The following BLOC1S3 variants were observed in gnomAD, a reference collection of about 807,000 sequenced individuals.
BLOC1S3 encodes biogenesis of lysosome-related organelles complex 1 subunit 3.
In BLOC1S3, 7 loss-of-function variants were observed where a neutral mutation model predicts 9.1. That is an observed-to-expected ratio of 0.77 (90% CI 0.44 to 1.45). The LOEUF is 1.45. Among genes scored for constraint, BLOC1S3 ranks in the 40% most tolerant of loss-of-function variants. BLOC1S3 has a pLI of 0.01. For missense variants in BLOC1S3, 307 were observed against 315.2 expected (o/e 0.97, Z 0.20); for synonymous variants, 145 against 158.4 (o/e 0.92, Z 0.64).
chr19:45,202,065 C>A (rs2627645), intron 2 of BLOC1S3, among the ~76,000 whole-genome samples: 145,177 of 151,800 alleles, frequency 0.96, 69,588 homozygotes, highest in African/African-American at 0.99. Context: ...CTACTAAAAA[C>A]TACAAAAAAT....
At chr19:45,208,537 A>G (rs901958360) in intron 3 of BLOC1S3, among the ~76,000 whole-genome samples, 3 of 151,302 alleles carry the variant, frequency 2.0e-5, no homozygotes, top group African/African-American at 7.3e-5. Context: ...AGATCACCTG[A>G]TGAGGTCAGG....
At chr19:45,203,733 T>C (rs1229975146) in intron 3 of BLOC1S3, among the ~76,000 whole-genome samples, 2 of 152,160 alleles carry the variant, frequency 1.3e-5, no homozygotes, top group African/African-American at 4.8e-5. Flanking sequence ...TGCTTTCCAC[T>C]GTAATAGAAC....
rs571728185 is a variant in BLOC1S3 at position 45,201,616 on chromosome 19, G to T, written n.181-790G>T. 5.3e-5 allele frequency among the ~76,000 whole-genome samples: 8 copies of T among 152,236 alleles called. No individual in the cohort carries two copies. The South Asian group carries it at 1.7e-3, about 32-fold the overall frequency. ...CCAGAAATGCCATCTGGGAGCCAGGGCCTGGAGACAGAAACCTTAGGAATC... is the reference window on the plus strand; with the variant it reads ...CCAGAAATGCCATCTGGGAGCCAGGTCCTGGAGACAGAAACCTTAGGAATC... On this transcript the variant is annotated intron_variant and non_coding_transcript_variant, in intron 2 of 3. Transcript: ENST00000591569.
chr19:45,208,129 CA>C (rs1969741418), intron 3 of BLOC1S3, among the ~76,000 whole-genome samples: 1 of 151,862 alleles, frequency 6.6e-6, no homozygotes, highest in Non-Finnish European at 1.5e-5. Flanking sequence ...CACCTGCCAC[CA>C]CGCCCAGCTA....
At chr19:45,197,951 A>G (rs1969661840) in intron 2 of BLOC1S3, among the ~76,000 whole-genome samples, 1 of 152,046 alleles carries the variant, frequency 6.6e-6, no homozygotes, top group Non-Finnish European at 1.5e-5. Context: ...AAATCTGGGA[A>G]GTCAGGCATA....
chr19:45,209,409 CTTTAT>C (rs1568477051), intron 3 of BLOC1S3, among the ~76,000 whole-genome samples: 1 of 151,794 alleles, frequency 6.6e-6, no homozygotes, highest in African/African-American at 2.4e-5. Flanking sequence ...AGTTCTATTT[CTTTAT>C]TTTATTGTTA....
intron 3 of BLOC1S3, among the ~76,000 whole-genome samples, chr19:45,207,555 C>CA (rs58164218): frequency 0.11 from 7,081 of 64,396 alleles, 1,391 homozygotes; most frequent in Non-Finnish European, 0.18. Flanking sequence ...GACTCTGTCT[C>CA]AAAAAAAAAA....
intron 3 of BLOC1S3, chr19:45,216,030 T>TCGGC (rs770905667): frequency 6.2e-7 from 1 of 1,607,064 alleles, no homozygotes; most frequent in Non-Finnish European, 8.5e-7. Context: ...CCAGGAGACC[T>TCGGC]CGGCCAGGCA....
rs60943621 is a variant in BLOC1S3 at position 45,190,772 on chromosome 19, C to CTTTTATTTTATTTTATTTTATTTTA, written n.180+3057_180+3081dup. ...GTCTCTCTATGATTGGTCACTGATG[C>CTTTTATTTTATTTTATTTTATTTTA]TTTTATTTTATTTTATTTTATTTTA... On this transcript the variant is annotated intron_variant and non_coding_transcript_variant, in intron 2 of 3. Coordinates refer to the BLOC1S3 transcript ENST00000591569. 4.5e-3 allele frequency among the ~76,000 whole-genome samples: 424 copies of CTTTTATTTTATTTTATTTTATTTTA among 95,182 alleles called. 31 individuals are homozygous for CTTTTATTTTATTTTATTTTATTTTA. Among genetic ancestry groups the CTTTTATTTTATTTTATTTTATTTTA allele is most frequent in the African/African-American group, 0.011 (333 of 29,696 alleles). 62.4% of individuals were successfully genotyped at this position (95,182 alleles called of 152,430 possible).
downstream of BLOC1S3, among the ~76,000 whole-genome samples, chr19:45,185,974 G>A (rs563310665): frequency 1.1e-4 from 16 of 152,196 alleles, no homozygotes; most frequent in East Asian, 1.9e-4. Context: ...CATTCTGGGC[G>A]TGGTGGTGTG....
chr19:45,195,079 G>A (rs955632762), intron 2 of BLOC1S3, among the ~76,000 whole-genome samples: 3 of 151,930 alleles, frequency 2.0e-5, no homozygotes, highest in Non-Finnish European at 2.9e-5. Flanking sequence ...ACAGGCATGC[G>A]CCAGCACGTA....
At chr19:45,186,978 G>A (rs764478907), upstream of BLOC1S3, among the ~76,000 whole-genome samples, 29 of 152,204 alleles carry the variant, frequency 1.9e-4, no homozygotes, top group Non-Finnish European at 2.9e-4. Context: ...CAGGCAGTCA[G>A]CAGGCAGTCA....
At position 45,203,167 on chromosome 19, in the gene BLOC1S3, G is replaced by C. The variant is rs182181836; in HGVS notation, n.282+660G>C. ...TGGCTGCCTCAGCCAATGTCTCAGT[G>C]GGCCTCATGCCCTCCAGGTCCACTT... On this transcript the variant is annotated intron_variant and non_coding_transcript_variant, in intron 3 of 3. Coordinates refer to the BLOC1S3 transcript ENST00000591569. Among the ~76,000 whole-genome samples the C allele has an allele frequency of 9.0e-3, 1,371 of 152,192 alleles. 12 individuals are homozygous for C. Among genetic ancestry groups the C allele is most frequent in the Non-Finnish European group, 0.015 (1,027 of 68,022 alleles).
At chr19:45,211,981 T>A (rs1969776581) in intron 3 of BLOC1S3, among the ~76,000 whole-genome samples, 1 of 151,926 alleles carries the variant, frequency 6.6e-6, no homozygotes. Context: ...CCCCGAGACT[T>A]TCCTGCGTCA....
intron 3 of BLOC1S3, among the ~76,000 whole-genome samples, chr19:45,208,715 AT>A (rs1460972798): frequency 6.6e-6 from 1 of 151,930 alleles, no homozygotes; most frequent in African/African-American, 2.4e-5. Flanking sequence ...AGGCTGTGCC[AT>A]TGCACTCCAG....
downstream of BLOC1S3, among the ~76,000 whole-genome samples, chr19:45,184,928 AAAAG>A (rs1224236454): frequency 2.3e-4 from 34 of 149,258 alleles, no homozygotes; most frequent in East Asian, 2.9e-3. Flanking sequence ...AAAAAAAAAA[AAAAG>A]GAAGGAAGGG....
rs569729511 is a variant in BLOC1S3 at position 45,209,834 on chromosome 19, C to T, written n.283-6842C>T. The stretch of plus-strand genomic sequence containing the variant: ...GCAACCTCTGCCTCCCGGGTTCAAG[C>T]GATTCTCCTGACTCAGCCTTCCAAG... On this transcript the variant is annotated intron_variant and non_coding_transcript_variant, in intron 3 of 3. Coordinates refer to the BLOC1S3 transcript ENST00000591569. 3.1e-4 allele frequency among the ~76,000 whole-genome samples: 47 copies of T among 152,142 alleles called. No homozygotes were observed. The South Asian group carries it at 7.7e-3, about 25-fold the overall frequency.
At chr19:45,206,462 T>TTTGTTTTTTTTTG (rs1568476460) in intron 3 of BLOC1S3, among the ~76,000 whole-genome samples, 4 of 115,506 alleles carry the variant, frequency 3.5e-5, no homozygotes, top group South Asian at 5.7e-4. Flanking sequence ...TTTTTTTTTT[T>TTTGTTTTTTTTTG]TTTTTTTTTT....
intron 3 of BLOC1S3, among the ~76,000 whole-genome samples, chr19:45,215,253 T>C (rs1258918785): frequency 6.6e-6 from 1 of 152,144 alleles, no homozygotes; most frequent in African/African-American, 2.4e-5. Context: ...GGCAGATCAC[T>C]TGAGCCCAGA....
Sources: allele counts gnomAD v4.1 joint callset (sites outside exome capture counted in the v4.1 genomes callset), GRCh38; gene constraint gnomAD v4.1.1; transcripts MANE v1.5; gene names NCBI Gene and HGNC (gene_info 2026-07-23, HGNC 2026-07-21).